GABBR2: variants seen among roughly 807,000 people sequenced by gnomAD.
GABBR2 encodes G-protein coupled receptor 51.
A neutral mutation model predicts 105.6 loss-of-function variants in GABBR2; 23 were observed. That is an observed-to-expected ratio of 0.22 (90% CI 0.16 to 0.31). The LOEUF is 0.31. GABBR2 is among the 10% of genes least tolerant of loss of function. GABBR2 has a pLI of 1.00. For synonymous variants in GABBR2, 478 were observed against 499.7 expected, an observed-to-expected ratio of 0.96 and a Z score of 0.58; for missense variants, 734 against 1,245.5, an observed-to-expected ratio of 0.59 and a Z score of 6.18.
intron 1 of GABBR2, among the ~76,000 whole-genome samples, chr9:98,685,188 T>A (rs1160910330): frequency 6.6e-6 from 1 of 152,244 alleles, no homozygotes; most frequent in Admixed American, 6.5e-5. Flanking sequence ...TGCCGGATGA[T>A]TCCTGCCCTA....
At chr9:98,292,380 C>A (rs1259288778) in intron 18 of GABBR2, among the ~76,000 whole-genome samples, 1 of 152,220 alleles carries the variant, frequency 6.6e-6, no homozygotes, top group East Asian at 1.9e-4. Flanking sequence ...TTCTGTTCAA[C>A]CACATTGTTT....
At chr9:98,642,197 C>G (rs7870545) in intron 1 of GABBR2, among the ~76,000 whole-genome samples, 3 of 152,184 alleles carry the variant, frequency 2.0e-5, no homozygotes, top group African/African-American at 7.2e-5. Context: ...AGGAAGGTAA[C>G]GGCCTCCCCC....
chr9:98,605,408 C>T (rs1032257458), intron 1 of GABBR2, among the ~76,000 whole-genome samples: 7 of 152,234 alleles, frequency 4.6e-5, no homozygotes, highest in African/African-American at 1.7e-4. Flanking sequence ...CACCCTGAGG[C>T]TAAGCTTGCA....
intron 7 of GABBR2, among the ~76,000 whole-genome samples, chr9:98,412,738 T>G (rs1832612066): frequency 6.6e-6 from 1 of 152,150 alleles, no homozygotes; most frequent in African/African-American, 2.4e-5. Context: ...GTGTAAAAAC[T>G]GGCTATGAAG....
At chr9:98,466,291 G>A (rs1034319791) in intron 6 of GABBR2, among the ~76,000 whole-genome samples, 1 of 152,220 alleles carries the variant, frequency 6.6e-6, no homozygotes, top group Non-Finnish European at 1.5e-5. Flanking sequence ...TTCAAAAGCA[G>A]GCATCTGAAT....
At chr9:98,308,043 G>GA (rs1830577999) in intron 14 of GABBR2, among the ~76,000 whole-genome samples, 1 of 152,162 alleles carries the variant, frequency 6.6e-6, no homozygotes, top group South Asian at 2.1e-4. Context: ...AGACCAGCCT[G>GA]GGCAAGGTGG....
intron 1 of GABBR2, among the ~76,000 whole-genome samples, chr9:98,617,741 A>AC (rs1588254630): frequency 6.6e-6 from 1 of 151,888 alleles, no homozygotes; most frequent in African/African-American, 2.4e-5. Context: ...GTTGGCACAC[A>AC]AAAAAAAGCT....
At chr9:98,500,752 C>A (rs1827381917) in intron 3 of GABBR2, among the ~76,000 whole-genome samples, 2 of 152,204 alleles carry the variant, frequency 1.3e-5, no homozygotes, top group African/African-American at 4.8e-5. Context: ...CTGGTGTGGC[C>A]CATCCATGTG....
intron 12 of GABBR2, among the ~76,000 whole-genome samples, chr9:98,367,084 T>A (rs1359746440): frequency 6.6e-6 from 1 of 152,116 alleles, no homozygotes; most frequent in Non-Finnish European, 1.5e-5. Context: ...GTTAATAGCC[T>A]TTAATAGCCT....
intron 11 of GABBR2, among the ~76,000 whole-genome samples, chr9:98,373,131 A>C (rs1258378425): frequency 6.6e-6 from 1 of 152,024 alleles, no homozygotes; most frequent in Non-Finnish European, 1.5e-5. Context: ...AATGATAGAG[A>C]ATTTAGACCT....
intron 1 of GABBR2, among the ~76,000 whole-genome samples, chr9:98,626,044 C>T (rs1829732014): frequency 6.6e-6 from 1 of 152,170 alleles, no homozygotes; most frequent in Admixed American, 6.5e-5. Context: ...GGGAGAGCTC[C>T]CTGACCGGGA....
chr9:98,580,295 C>T (rs192004591), intron 1 of GABBR2, among the ~76,000 whole-genome samples: 112 of 152,274 alleles, frequency 7.4e-4, no homozygotes, highest in Admixed American at 1.8e-3. Context: ...CACCCCCATT[C>T]CCTCCCTGAC....
In GABBR2 at chr9:98,436,376, T is replaced by C. The variant is rs1167847893; in HGVS notation, c.1236+17605A>G. Among the ~76,000 whole-genome samples, 64 of 47,814 alleles carry C rather than the reference T, an allele frequency of 1.3e-3. 6 individuals carry two copies. Among genetic ancestry groups the C allele is most frequent in the South Asian group, 4.1e-3 (5 of 1,214 alleles). The allele number at this position is 47,814 out of a possible 152,430, so 31.4% of individuals were successfully genotyped here. ...ATATATATATATATATATATATATA[T>C]ATATATATATATATATATATATATA... On this transcript the variant is annotated intron_variant, in intron 7 of 18. Transcript: ENST00000259455.
intron 1 of GABBR2, among the ~76,000 whole-genome samples, chr9:98,638,573 C>G (rs967492021): frequency 7.9e-5 from 12 of 152,052 alleles, no homozygotes; most frequent in African/African-American, 2.9e-4. Context: ...AAAAACCCAC[C>G]AAGAGTTTTG....
At chr9:98,521,701 G>A (rs1168708200) in intron 3 of GABBR2, among the ~76,000 whole-genome samples, 10 of 152,132 alleles carry the variant, frequency 6.6e-5, no homozygotes, top group Non-Finnish European at 1.3e-4. Context: ...CCCTAGGCTG[G>A]TCATATAAAA....
At chr9:98,338,152 C>G (rs973140360) in intron 13 of GABBR2, among the ~76,000 whole-genome samples, 1 of 152,162 alleles carries the variant, frequency 6.6e-6, no homozygotes, top group Admixed American at 6.5e-5. Context: ...AATGTAAGAA[C>G]AAATAGTATA....
intron 7 of GABBR2, among the ~76,000 whole-genome samples, chr9:98,425,976 T>C (rs1825678428): frequency 6.6e-6 from 1 of 152,146 alleles, no homozygotes; most frequent in Non-Finnish European, 1.5e-5. Flanking sequence ...GAAATGCACG[T>C]AGTATGTAAT....
At chr9:98,503,697 C>T (rs1827448955) in intron 3 of GABBR2, among the ~76,000 whole-genome samples, 1 of 152,140 alleles carries the variant, frequency 6.6e-6, no homozygotes, top group Non-Finnish European at 1.5e-5. Context: ...CATCCACTGT[C>T]CCCCACAGTT....
At chr9:98,385,491 C>T (rs1333270588) in intron 11 of GABBR2, 149 bp downstream of exon 11, 1 of 659,388 alleles carries the variant, frequency 1.5e-6, no homozygotes, top group Non-Finnish European at 2.7e-6. Context: ...CACCGTTCTT[C>T]CCTGTTGAGT....
Sources: allele counts gnomAD v4.1 joint callset (sites outside exome capture counted in the v4.1 genomes callset), GRCh38; gene constraint gnomAD v4.1.1; transcripts MANE v1.5; gene names NCBI Gene and HGNC (gene_info 2026-07-23, HGNC 2026-07-21).